ST7: variants seen among roughly 807,000 people sequenced by gnomAD.
ST7 encodes suppressor of tumorigenicity 7 protein.
A neutral mutation model predicts 78.7 loss-of-function variants in ST7; 28 were observed. The ratio of observed to expected loss-of-function variants is 0.36; its 90% confidence interval spans 0.26 to 0.49. The LOEUF (loss-of-function observed/expected upper bound fraction) is 0.49. ST7 is among the 20% of genes least tolerant of loss of function. The pLI, the probability that ST7 is intolerant of heterozygous loss-of-function variation, is 0.99. For synonymous variants in ST7, 247 were observed against 249.6 expected (o/e 0.99, Z 0.10); for missense variants, 418 against 696.0 (o/e 0.60, Z 4.49).
chr7:116,959,344 G>A (rs183417728), intron 1 of ST7: 110 of 456,492 alleles, frequency 2.4e-4, no homozygotes, highest in Non-Finnish European at 2.8e-4. Context: ...TATCTTATAT[G>A]AATTATGGTA....
intron 1 of ST7, among the ~76,000 whole-genome samples, chr7:117,021,526 T>C (rs1387995510): frequency 6.6e-6 from 1 of 151,970 alleles, no homozygotes; most frequent in Non-Finnish European, 1.5e-5. Flanking sequence ...GGAGAAGGGG[T>C]TTAGGGGAGG....
chr7:117,176,694 A>C (rs1018934743), intron 10 of ST7, among the ~76,000 whole-genome samples: 2 of 152,190 alleles, frequency 1.3e-5, no homozygotes, highest in African/African-American at 4.8e-5. Context: ...TAAAAATAGG[A>C]AGGATGTGAG....
chr7:117,029,313 G>T (rs1336187873), intron 1 of ST7, among the ~76,000 whole-genome samples: 2 of 151,990 alleles, frequency 1.3e-5, no homozygotes, highest in African/African-American at 2.4e-5. Context: ...ATGGTATATT[G>T]TGATTTTAAT....
chr7:117,101,119 G>A (rs540137934), intron 2 of ST7, among the ~76,000 whole-genome samples: 107 of 152,264 alleles, frequency 7.0e-4, no homozygotes, highest in Non-Finnish European at 1.3e-3. Context: ...AGGGATGATG[G>A]CAGTGTGGGG....
intron 1 of ST7, among the ~76,000 whole-genome samples, chr7:116,962,461 C>T (rs1051330803): frequency 9.2e-5 from 14 of 152,166 alleles, no homozygotes; most frequent in South Asian, 8.3e-4. Flanking sequence ...GGTTTCCTGA[C>T]GTTTTAATAA....
At chr7:116,972,719 A>G (rs1281537133) in intron 1 of ST7, 3 of 924,808 alleles carry the variant, frequency 3.2e-6, no homozygotes, top group Non-Finnish European at 5.4e-6. Context: ...TCCTGAGCAC[A>G]GTCCAGCTTC....
intron 12 of ST7, among the ~76,000 whole-genome samples, chr7:117,192,335 G>A (rs1809858332): frequency 6.6e-6 from 1 of 152,128 alleles, no homozygotes; most frequent in Non-Finnish European, 1.5e-5. Context: ...AATAAGTTCT[G>A]GATTCTGAGG....
chr7:117,096,281 C>A (rs2429009), intron 1 of ST7, among the ~76,000 whole-genome samples: 118,807 of 151,904 alleles, frequency 0.78, 47,555 homozygotes, highest in East Asian at 0.98. Flanking sequence ...AGCCTTCCTA[C>A]TTTAATAGAA....
At chr7:117,091,038 C>G (rs917993554) in intron 1 of ST7, among the ~76,000 whole-genome samples, 3 of 152,152 alleles carry the variant, frequency 2.0e-5, no homozygotes, top group Non-Finnish European at 2.9e-5. Flanking sequence ...GAGCCAGATG[C>G]CCAGTACAGC....
chr7:117,095,100 G>C (rs762453822), intron 1 of ST7, among the ~76,000 whole-genome samples: 7 of 152,138 alleles, frequency 4.6e-5, no homozygotes, highest in Admixed American at 4.6e-4. Flanking sequence ...CCCTGTGCAA[G>C]GTGGAATATA....
chr7:117,065,819 A>T (rs1798606068), intron 1 of ST7, among the ~76,000 whole-genome samples: 1 of 152,170 alleles, frequency 6.6e-6, no homozygotes, highest in African/African-American at 2.4e-5. Flanking sequence ...TTTCCATTGT[A>T]CTTAGAATAA....
rs184873854 is a variant in ST7, at chr7:117,049,881, T to A, written c.152-49881T>A. 5.3e-3 allele frequency among the ~76,000 whole-genome samples: 801 copies of A among 152,184 alleles called. 3 individuals carry two copies. The highest frequency in any genetic ancestry group is 8.8e-3 in the Non-Finnish European group (596 of 68,000). The stretch of plus-strand genomic sequence containing the variant: ...ATGGGTTCCATGGTGTTATTAAAGA[T>A]TTACAGTATTGTACTAAACGTGATG... On this transcript the variant is annotated intron_variant, in intron 1 of 15. Coordinates refer to ENST00000323984, the MANE Select transcript of ST7 (RefSeq NM_001369598.1).
At chr7:117,197,277 C>T (rs1237516471) in intron 12 of ST7, among the ~76,000 whole-genome samples, 1 of 152,196 alleles carries the variant, frequency 6.6e-6, no homozygotes, top group Non-Finnish European at 1.5e-5. Flanking sequence ...ACCTTGTCCT[C>T]CCAAAGTGCT....
At chr7:117,171,653 T>G (rs1340865727) in intron 10 of ST7, among the ~76,000 whole-genome samples, 1 of 151,590 alleles carries the variant, frequency 6.6e-6, no homozygotes, top group Non-Finnish European at 1.5e-5. Context: ...CATATTGTCA[T>G]TATCCATGAA....
intron 1 of ST7, among the ~76,000 whole-genome samples, chr7:116,996,955 C>T (rs1039626466): frequency 6.6e-6 from 1 of 152,172 alleles, no homozygotes; most frequent in Non-Finnish European, 1.5e-5. Flanking sequence ...GGCAGATTTG[C>T]TTGGAAAAGA....
intron 9 of ST7, among the ~76,000 whole-genome samples, chr7:117,142,106 C>A (rs1049024551): frequency 1.3e-5 from 2 of 152,060 alleles, no homozygotes; most frequent in East Asian, 1.9e-4. Flanking sequence ...ATATACGATA[C>A]AATTTCTTTT....
intron 1 of ST7, among the ~76,000 whole-genome samples, chr7:117,008,593 A>G (rs961116817): frequency 1.3e-5 from 2 of 152,210 alleles, no homozygotes; most frequent in Non-Finnish European, 2.9e-5. Flanking sequence ...GAAATTGAGC[A>G]TTTATCACCA....
chr7:117,102,299 C>A (rs1283083319), intron 2 of ST7, among the ~76,000 whole-genome samples: 2 of 152,174 alleles, frequency 1.3e-5, no homozygotes, highest in Non-Finnish European at 2.9e-5. Flanking sequence ...AGAGAACAAT[C>A]ACCTCAAAAA....
chr7:117,104,256 C>T (rs1325688552), intron 2 of ST7, among the ~76,000 whole-genome samples: 1 of 152,160 alleles, frequency 6.6e-6, no homozygotes, highest in Non-Finnish European at 1.5e-5. Flanking sequence ...GCCTGGCCAA[C>T]ATGGTGAAAC....
Sources: allele counts gnomAD v4.1 joint callset (sites outside exome capture counted in the v4.1 genomes callset), GRCh38; gene constraint gnomAD v4.1.1; transcripts MANE v1.5; gene names NCBI Gene and HGNC (gene_info 2026-07-23, HGNC 2026-07-21).